Variants in PKP1 observed in about 807,000 individuals in gnomAD.
The protein encoded by PKP1 is plakophilin-1.
In PKP1, 27 loss-of-function variants were observed where a neutral mutation model predicts 76.4. The ratio of observed to expected loss-of-function variants is 0.35; its 90% CI spans 0.26 to 0.49. PKP1 has a LOEUF of 0.49. Ranked by LOEUF, PKP1 falls within the 20% of genes least tolerant of loss-of-function variation. PKP1 has a pLI of 0.99. For missense variants in PKP1, 964 were observed against 955.2 expected, an observed-to-expected ratio of 1.01 and a Z score of -0.12; for synonymous variants, 404 against 384.2, an observed-to-expected ratio of 1.05 and a Z score of -0.60.
chr1:201,324,905 A>T (rs1198874479), intron 10 of PKP1, 36 bp from the exon 11 acceptor site: 2 of 1,598,878 alleles, frequency 1.3e-6, no homozygotes, highest in East Asian at 4.5e-5. Flanking sequence ...TTCCCCAGTC[A>T]TCCTGACCCT....
At chr1:201,319,560 C>G (rs574903785) in intron 6 of PKP1, among the ~76,000 whole-genome samples, 1 of 152,268 alleles carries the variant, frequency 6.6e-6, no homozygotes, top group African/African-American at 2.4e-5. Context: ...AGCAGAGAGG[C>G]TGGGGAGATG....
Position 201,313,371 on chromosome 1 carries a change from C to G in PKP1, c.512C>G (p.Thr171Arg). ...CDPRGTLRKG[T>R]LGSKGQKTTQ... is the part of the protein sequence containing the mutation. ...CCACGGGGCACCCTGCGCAAGGGCA[C>G]GCTGGGCAGCAAGGGCCAGAAGACC... Residue 171 changes from threonine (T) to arginine (R), a missense_variant, in exon 3 of 14, where the codon ACG becomes AGG. Physicochemically the swap from Thr to Arg is moderately conservative, Grantham distance 71. Transcript: ENST00000367324. 1 of 1,581,352 alleles carries G rather than the reference C, an allele frequency of 6.3e-7. No homozygotes were observed. Among genetic ancestry groups the G allele is most frequent in the Non-Finnish European group, 8.6e-7 (1 of 1,163,328 alleles).
intron 6 of PKP1, chr1:201,319,950 C>T: frequency 1.3e-6 from 2 of 1,499,176 alleles, no homozygotes; most frequent in Non-Finnish European, 1.9e-6. Context: ...AGTTACTGGG[C>T]AGAGTGAAGG....
At chr1:201,292,891 A>G (rs1364137414) in intron 1 of PKP1, among the ~76,000 whole-genome samples, 2 of 152,158 alleles carry the variant, frequency 1.3e-5, no homozygotes, top group African/African-American at 4.8e-5. Context: ...AGCTGAGGGA[A>G]TGGGACGCAG....
rs77409791 is a variant in PKP1 at position 201,332,403 on chromosome 1, C to A, written c.*2362C>A. 4 of 152,228 alleles carry A rather than the reference C, an allele frequency of 2.6e-5. No homozygotes were observed. The highest frequency in any genetic ancestry group is 9.7e-5 in the African/African-American group (4 of 41,434). 9.4% of individuals were successfully genotyped at this position (152,228 alleles called of 1,614,324 possible). ...CCCTCTCAGGCCAGCTCAGGTCACC[C>A]GGGCCTCTGACCCAGGCCTGTCACT... On this transcript the variant is annotated 3_prime_UTR_variant, in exon 14 of 14. Transcript: ENST00000367324.
At position 201,313,425 on chromosome 1, in the gene PKP1, C is replaced by G; in HGVS notation, c.566C>G (p.Thr189Ser). 1.9e-6 allele frequency: 3 copies of G among 1,597,900 alleles called. No homozygotes were observed. The highest frequency in any genetic ancestry group is 2.6e-6 in the Non-Finnish European group (3 of 1,172,340). ...TTQNRYSFYS[T>S]CSGQKAIKKC... The stretch of plus-strand genomic sequence containing the variant: ...CAGAACCGCTACAGCTTTTACAGCA[C>G]CTGCAGTGGTCAGAAGGCCATAAAG... The change falls in exon 3 of 14, where the codon ACC becomes AGC. Residue 189 changes from threonine (T) to serine (S), a missense_variant. Coordinates refer to ENST00000367324, the MANE Select transcript of PKP1 (RefSeq NM_001005337.3).
chr1:201,283,935 G>C, intron 1 of PKP1, 31 bp downstream of exon 1: 1 of 1,594,498 alleles, frequency 6.3e-7, no homozygotes, highest in Non-Finnish European at 8.6e-7. Flanking sequence ...TGGTCCGTGC[G>C]CCCCTTTCCA....
At chr1:201,316,437 G>A (rs989896125) in intron 3 of PKP1, 116 bp from the exon 4 acceptor site, 5 of 1,120,280 alleles carry the variant, frequency 4.5e-6, no homozygotes, top group Non-Finnish European at 6.4e-6. Flanking sequence ...CCTTGTTCTG[G>A]CTCTCCAGAG....
intron 9 of PKP1, among the ~76,000 whole-genome samples, chr1:201,323,605 C>T (rs765935822): frequency 2.0e-5 from 3 of 152,144 alleles, no homozygotes; most frequent in Non-Finnish European, 4.4e-5. Context: ...TGACAGAATC[C>T]GTGCAGATGT....
intron 1 of PKP1, among the ~76,000 whole-genome samples, chr1:201,287,765 C>A (rs1391307665): frequency 6.6e-6 from 1 of 152,196 alleles, no homozygotes; most frequent in Non-Finnish European, 1.5e-5. Context: ...CTCCCCCGAC[C>A]CCATACCATT....
Position 201,323,024 on chromosome 1 carries a change from T to C in PKP1, c.1515T>C (p.Tyr505=), listed in dbSNP as rs1359801232. 6.2e-7 allele frequency: 1 copy of C among 1,614,010 alleles called. No individual in the cohort carries two copies. The highest frequency in any genetic ancestry group is 1.3e-5 in the African/African-American group (1 of 75,022). Residue 505 remains tyrosine (Y), a synonymous_variant, in exon 9 of 14, where the codon TAT becomes TAC. Coordinates refer to ENST00000367324, the MANE Select transcript of PKP1 (RefSeq NM_001005337.3). ...CTCTTTATCCTCAGAACAACAACTA[T>C]GACTGCCCCCTGCCTGAGGAAGAGA... ...NKSDKMMNNN[Y]DCPLPEEETN...
intron 2 of PKP1, among the ~76,000 whole-genome samples, chr1:201,303,755 A>G (rs1341613973): frequency 6.6e-6 from 1 of 152,176 alleles, no homozygotes; most frequent in Non-Finnish European, 1.5e-5. Context: ...AATGTTAGAT[A>G]TTGCTGTGTC....
intron 2 of PKP1, among the ~76,000 whole-genome samples, chr1:201,294,478 G>C (rs1390428652): frequency 1.3e-5 from 2 of 152,138 alleles, no homozygotes; most frequent in Non-Finnish European, 2.9e-5. Flanking sequence ...ATTGACTCCT[G>C]CATATGACAC....
Position 201,328,828 on chromosome 1 carries a change from C to A in PKP1, c.2173C>A (p.Arg725=), listed in dbSNP as rs531445602. Residue 725 remains arginine, a synonymous_variant, in exon 13 of 14, where the codon CGA becomes AGA. Coordinates refer to ENST00000367324, the MANE Select transcript of PKP1 (RefSeq NM_001005337.3). ...CAACAGCCTCAGGAACTTCACCTCC[C>A]GATTCTAAGAAGAGACTGTCCAAGC... ...GANSLRNFTS[R]F 1 of 1,613,644 alleles carries A rather than the reference C, an allele frequency of 6.2e-7. No individual in the cohort carries two copies. The highest frequency in any genetic ancestry group is 2.2e-5 in the East Asian group (1 of 44,886).
At chr1:201,321,933 C>G (rs201647919) in intron 7 of PKP1, 45 bp from the exon 8 acceptor site, 4 of 1,610,678 alleles carry the variant, frequency 2.5e-6, no homozygotes, top group Non-Finnish European at 3.4e-6. Flanking sequence ...AGGAGCCTGT[C>G]GGGCCGGGCA....
chr1:201,289,280 A>C (rs1655829891), intron 1 of PKP1, among the ~76,000 whole-genome samples: 1 of 152,218 alleles, frequency 6.6e-6, no homozygotes, highest in Non-Finnish European at 1.5e-5. Context: ...TCTGGGCACC[A>C]TGGGTGAAAG....
At chr1:201,329,547 A>G (rs1278355611) in intron 13 of PKP1, among the ~76,000 whole-genome samples, 1 of 152,230 alleles carries the variant, frequency 6.6e-6, no homozygotes, top group Non-Finnish European at 1.5e-5. Context: ...TACTCCAGCC[A>G]GATGTCATCA....
rs368877588 is a variant in PKP1 at position 201,308,711 on chromosome 1, A to G, written c.307-4455A>G. Among the ~76,000 whole-genome samples, 129 of 150,902 alleles carry G rather than the reference A, an allele frequency of 8.5e-4. No homozygotes were observed. In the East Asian group the frequency reaches 0.023, roughly 27 times the overall value. The stretch of plus-strand genomic sequence containing the variant: ...TTAGAGGGGTGTGCTGGGGAGGGGA[A>G]GAGATGGCTGGACAGGCAGGGTGGG... On this transcript the variant is annotated intron_variant, in intron 2 of 13. Transcript: ENST00000367324.
chr1:201,299,725 A>G (rs761752825), intron 2 of PKP1, among the ~76,000 whole-genome samples: 4 of 152,264 alleles, frequency 2.6e-5, no homozygotes, highest in Non-Finnish European at 4.4e-5. Flanking sequence ...CCCTTGCAAC[A>G]GGATGAAAAG....
Sources: allele counts gnomAD v4.1 joint callset (sites outside exome capture counted in the v4.1 genomes callset), GRCh38; gene constraint gnomAD v4.1.1; transcripts MANE v1.5; gene names NCBI Gene and HGNC (gene_info 2026-07-23, HGNC 2026-07-21).